The following CSMD1 variants were observed in gnomAD, a reference collection of about 807,000 sequenced individuals.
CSMD1 encodes the protein CUB and sushi domain-containing protein 1.
Under a neutral mutation model 417.5 loss-of-function variants are expected in CSMD1, and 213 were observed. The ratio of observed to expected loss-of-function variants is 0.51; its 90% CI spans 0.46 to 0.57. CSMD1 has a LOEUF of 0.57. Among genes scored for constraint, CSMD1 ranks in the 20% least tolerant of loss-of-function variants. CSMD1 has a pLI of 0.00. For synonymous variants in CSMD1, 2,862 were observed against 1,736.8 expected, an observed-to-expected ratio of 1.65 and a Z score of -16.11; for missense variants, 6,923 against 4,529.7, an observed-to-expected ratio of 1.53 and a Z score of -15.17.
intron 1 of CSMD1, among the ~76,000 whole-genome samples, chr8:4,785,285 G>T (rs887713272): frequency 1.3e-5 from 2 of 152,084 alleles, no homozygotes; most frequent in Non-Finnish European, 2.9e-5. Context: ...TTTCATAATG[G>T]GGCACATTGG....
chr8:4,604,060 T>C (rs1800737545), intron 2 of CSMD1, among the ~76,000 whole-genome samples: 1 of 152,108 alleles, frequency 6.6e-6, no homozygotes, highest in Non-Finnish European at 1.5e-5. Flanking sequence ...AGTTGTTAAC[T>C]TACTCATCAA....
chr8:4,898,116 A>G (rs1804623590), intron 1 of CSMD1, among the ~76,000 whole-genome samples: 1 of 152,156 alleles, frequency 6.6e-6, no homozygotes, highest in South Asian at 2.1e-4. Flanking sequence ...GAATAAGTAA[A>G]TAAATATTGC....
Position 3,181,121 on chromosome 8 carries a change from A to G in CSMD1, c.5714T>C (p.Leu1905Pro). The part of the protein sequence containing the change: ...DISVAAAGFH[L>P]EYKTVGLAAC... Reference sequence around the variant, plus strand: ...AGAGTTGACCTTACTTTTGTATTCCAGGTGGAAACCAGCAGCTGCCACACT... The same window carrying G: ...AGAGTTGACCTTACTTTTGTATTCCGGGTGGAAACCAGCAGCTGCCACACT... The change falls in exon 37 of 70, where the codon CTG (leucine) becomes CCG (proline). Residue 1905 changes from leucine to proline, a missense_variant. Coordinates refer to ENST00000635120, the MANE Select transcript of CSMD1 (RefSeq NM_033225.6). The G allele has an allele frequency of 6.2e-7, 1 of 1,612,290 alleles. No homozygotes were observed. Among genetic ancestry groups the G allele is most frequent in the Non-Finnish European group, 8.5e-7 (1 of 1,178,444 alleles).
At chr8:3,405,442 G>T (rs966245913) in intron 15 of CSMD1, among the ~76,000 whole-genome samples, 1 of 152,242 alleles carries the variant, frequency 6.6e-6, no homozygotes, top group Non-Finnish European at 1.5e-5. Context: ...TATGTCGGCT[G>T]TAACAAGAAC....
chr8:3,223,865 C>A lies in CSMD1; in HGVS notation c.4348G>T (p.Ala1450Ser). ...WQPDPPTCIA[A>S]CGGNLTGPAG... ...GGGCCCGTCAGATTCCCTCCACAAG[C>A]AGCTGTCACAGAACAAAAGTTACAG... The change falls in exon 28 of 70, where the codon GCT becomes TCT. Residue 1450 changes from alanine to serine, a missense_variant and splice_region_variant. Transcript: ENST00000635120. The A allele has an allele frequency of 6.2e-7, 1 of 1,613,700 alleles. No homozygotes were observed. The highest frequency in any genetic ancestry group is 8.5e-7 in the Non-Finnish European group (1 of 1,179,752).
intron 1 of CSMD1, among the ~76,000 whole-genome samples, chr8:4,901,848 A>G (rs1414418381): frequency 1.3e-5 from 2 of 150,508 alleles, no homozygotes; most frequent in African/African-American, 5.0e-5. Flanking sequence ...GAGTAGCATC[A>G]TGATGATGAC....
At chr8:3,194,408 C>CGATTTTATTTTATTTTATTT (rs371866526) in intron 33 of CSMD1, among the ~76,000 whole-genome samples, 7 of 134,842 alleles carry the variant, frequency 5.2e-5, no homozygotes, top group African/African-American at 1.9e-4. Context: ...ATCTGATTAA[C>CGATTTTATTTTATTTTATTT]TATTTTATTT....
At chr8:3,521,157 G>T (rs999943465) in intron 10 of CSMD1, among the ~76,000 whole-genome samples, 1 of 151,086 alleles carries the variant, frequency 6.6e-6, no homozygotes, top group South Asian at 2.1e-4. Context: ...GAAAATGAAT[G>T]TATTTATTAA....
intron 2 of CSMD1, among the ~76,000 whole-genome samples, chr8:4,555,944 T>C (rs975768059): frequency 6.6e-6 from 1 of 152,158 alleles, no homozygotes; most frequent in African/African-American, 2.4e-5. Context: ...AGTTCCTTAC[T>C]TTAGGAAGTG....
At chr8:4,944,504 A>G (rs1372667041) in intron 1 of CSMD1, among the ~76,000 whole-genome samples, 5 of 152,230 alleles carry the variant, frequency 3.3e-5, no homozygotes, top group African/African-American at 1.2e-4. Flanking sequence ...GAAAGCTGAA[A>G]GAACACATCA....
intron 7 of CSMD1, among the ~76,000 whole-genome samples, chr8:3,663,088 A>C (rs553708339): frequency 3.0e-4 from 45 of 152,284 alleles, no homozygotes; most frequent in African/African-American, 1.0e-3. Context: ...TCAGAGCCCC[A>C]CAGAACTGCC....
chr8:4,326,851 G>C (rs1469266187), intron 3 of CSMD1, among the ~76,000 whole-genome samples: 1 of 152,128 alleles, frequency 6.6e-6, no homozygotes, highest in East Asian at 1.9e-4. Flanking sequence ...GGTCACAGGT[G>C]AAGCTTTGGG....
intron 2 of CSMD1, among the ~76,000 whole-genome samples, chr8:4,458,003 G>A (rs188385780): frequency 4.6e-5 from 7 of 152,100 alleles, no homozygotes; most frequent in Non-Finnish European, 7.4e-5. Flanking sequence ...GAGAGGTAGT[G>A]ACTTCTCCCT....
Position 3,288,101 on chromosome 8 carries a change from A to G in CSMD1, c.3951-3755T>C, listed in dbSNP as rs1360240987. Among the ~76,000 whole-genome samples, 7 of 147,508 alleles carry G rather than the reference A, an allele frequency of 4.7e-5. No individual in the cohort carries two copies. The East Asian group carries it at 1.4e-3, about 29-fold the overall frequency. On this transcript the variant is annotated intron_variant, in intron 25 of 69. Coordinates refer to ENST00000635120, the MANE Select transcript of CSMD1 (RefSeq NM_033225.6). ...TTTGGTTCTGTTTATATGCTGGATT[A>G]CATTTATCGATTTTCATTTGTTGAA...
intron 20 of CSMD1, among the ~76,000 whole-genome samples, chr8:3,359,957 G>A (rs935026576): frequency 1.3e-5 from 2 of 152,056 alleles, no homozygotes; most frequent in Non-Finnish European, 2.9e-5. Context: ...TTGAGAGTGT[G>A]GAATAATTTT....
chr8:4,197,851 C>G (rs1401692959), intron 3 of CSMD1, among the ~76,000 whole-genome samples: 1 of 152,118 alleles, frequency 6.6e-6, no homozygotes, highest in South Asian at 2.1e-4. Context: ...CACACTCCAG[C>G]CTGGGCAACA....
At chr8:4,241,789 C>T (rs1465944484) in intron 3 of CSMD1, among the ~76,000 whole-genome samples, 1 of 151,092 alleles carries the variant, frequency 6.6e-6, no homozygotes, top group Non-Finnish European at 1.5e-5. Flanking sequence ...CTGCTCACTA[C>T]AAGCTCCACC....
At chr8:3,298,888 G>C (rs1007538721) in intron 25 of CSMD1, among the ~76,000 whole-genome samples, 3 of 152,160 alleles carry the variant, frequency 2.0e-5, no homozygotes, top group African/African-American at 7.2e-5. Flanking sequence ...TTCTTTATCT[G>C]AGTTCTGGTT....
chr8:3,844,493 T>A (rs1173655083), intron 5 of CSMD1, among the ~76,000 whole-genome samples: 1 of 152,164 alleles, frequency 6.6e-6, no homozygotes, highest in African/African-American at 2.4e-5. Context: ...ATCTCTTTGG[T>A]AATGTGACTA....
Sources: gnomAD v4.1 joint callset for allele counts (sites outside exome capture counted in the v4.1 genomes callset) on GRCh38, gnomAD v4.1.1 for gene constraint, MANE v1.5 for transcripts, NCBI Gene and HGNC (gene_info 2026-07-23, HGNC 2026-07-21) for gene names.